The following CTDSPL2 variants were observed in gnomAD, a reference collection of about 807,000 sequenced individuals.
CTDSPL2 encodes the protein CTD small phosphatase-like protein 2.
In CTDSPL2, 5 loss-of-function variants were observed where a neutral mutation model predicts 60.0. That is an observed-to-expected ratio of 0.08 (90% CI 0.04 to 0.18). CTDSPL2 has a LOEUF of 0.18. Ranked by LOEUF, CTDSPL2 falls within the 10% of genes least tolerant of loss-of-function variation. CTDSPL2 has a pLI of 1.00. For missense variants in CTDSPL2, 370 were observed against 548.8 expected, an observed-to-expected ratio of 0.67 and a Z score of 3.26; for synonymous variants, 186 against 189.3, an observed-to-expected ratio of 0.98 and a Z score of 0.14.
At chr15:44,470,097 CAAAA>C (rs886463524) in intron 2 of CTDSPL2, among the ~76,000 whole-genome samples, 12 of 54,160 alleles carry the variant, frequency 2.2e-4, no homozygotes, top group African/African-American at 5.8e-4. Context: ...GACTCTGTCT[CAAAA>C]AAAAAAAAAA....
intron 1 of CTDSPL2, among the ~76,000 whole-genome samples, chr15:44,432,713 A>T: frequency 6.6e-6 from 1 of 151,914 alleles, no homozygotes; most frequent in East Asian, 1.9e-4. Context: ...TCTGCCTCCC[A>T]GATTCAAGTG....
chr15:44,491,279 A>G (rs539915931), intron 5 of CTDSPL2, among the ~76,000 whole-genome samples: 14 of 152,320 alleles, frequency 9.2e-5, no homozygotes, highest in East Asian at 1.9e-4. Flanking sequence ...AACAAAATAT[A>G]TGCTCATGTT....
intron 8 of CTDSPL2, among the ~76,000 whole-genome samples, chr15:44,502,896 A>G (rs965386071): frequency 6.6e-6 from 1 of 151,962 alleles, no homozygotes; most frequent in African/African-American, 2.4e-5. Flanking sequence ...AATGATACGT[A>G]CTCTTCTTTT....
chr15:44,447,396 T>G (rs1010233221), intron 1 of CTDSPL2, among the ~76,000 whole-genome samples: 9 of 152,210 alleles, frequency 5.9e-5, no homozygotes, highest in African/African-American at 2.2e-4. Flanking sequence ...CAAAAAAATT[T>G]GCATATTACA....
chr15:44,503,157 A>G (rs1405834037), intron 8 of CTDSPL2, among the ~76,000 whole-genome samples: 1 of 152,182 alleles, frequency 6.6e-6, no homozygotes, highest in Non-Finnish European at 1.5e-5. Flanking sequence ...ACGTGAGGAA[A>G]TGGCACTCAT....
chr15:44,519,320 C>G (rs2081715250), intron 11 of CTDSPL2, 25 bp downstream of exon 11: 1 of 1,532,598 alleles, frequency 6.5e-7, no homozygotes, highest in Non-Finnish European at 8.7e-7. Flanking sequence ...GATAAACAAA[C>G]TCAGATTGGA....
rs913416814 is a variant in CTDSPL2 at position 44,427,657 on chromosome 15, A to G, written c.-140A>G. The G allele has an allele frequency of 1.0e-5, 4 of 399,136 alleles. No individual in the cohort carries two copies. Among genetic ancestry groups the G allele is most frequent in the African/African-American group, 8.2e-5 (4 of 48,632 alleles). The allele number at this position is 399,136 out of a possible 1,614,324, so 24.7% of individuals were successfully genotyped here. On this transcript the variant is annotated 5_prime_UTR_variant, in exon 1 of 13. Coordinates refer to ENST00000260327, the MANE Select transcript of CTDSPL2 (RefSeq NM_016396.3). ...GCAGGTCGGTAGGCGGGAAATGGCG[A>G]CTGGCTGAAGGAGCTGGTTCTGTTG...
chr15:44,460,310 A>C (rs1360655813), intron 2 of CTDSPL2, among the ~76,000 whole-genome samples: 2 of 152,126 alleles, frequency 1.3e-5, no homozygotes, highest in South Asian at 4.1e-4. Context: ...GGTTTTCACT[A>C]TGTTGGCCTG....
chr15:44,464,166 C>G (rs1395571302), intron 2 of CTDSPL2, among the ~76,000 whole-genome samples: 1 of 152,146 alleles, frequency 6.6e-6, no homozygotes, highest in Admixed American at 6.5e-5. Flanking sequence ...TGTACCACTA[C>G]GCCCGCAACA....
intron 10 of CTDSPL2, 115 bp downstream of exon 10, chr15:44,514,959 T>C: frequency 1.6e-6 from 1 of 610,352 alleles, no homozygotes; most frequent in Non-Finnish European, 2.9e-6. Flanking sequence ...GAATGGTGAA[T>C]ATAAATGAAT....
At chr15:44,519,488 G>T in intron 11 of CTDSPL2, 193 bp downstream of exon 11, 1 of 431,294 alleles carries the variant, frequency 2.3e-6, no homozygotes, top group Non-Finnish European at 4.1e-6. Flanking sequence ...TAAATGACAT[G>T]CAGCATAAAT....
intron 1 of CTDSPL2, among the ~76,000 whole-genome samples, chr15:44,458,477 T>G (rs2080495180): frequency 6.6e-6 from 1 of 152,242 alleles, no homozygotes; most frequent in African/African-American, 2.4e-5. Flanking sequence ...TACACTTATA[T>G]GGTTGTTGAT....
At chr15:44,431,113 C>T (rs543081716) in intron 1 of CTDSPL2, among the ~76,000 whole-genome samples, 1 of 151,466 alleles carries the variant, frequency 6.6e-6, no homozygotes, top group Non-Finnish European at 1.5e-5. Context: ...TGAGCCACCG[C>T]ATCTGGCCCA....
At chr15:44,444,866 T>TTTTTTTTTC (rs1567062074) in intron 1 of CTDSPL2, among the ~76,000 whole-genome samples, 1 of 139,690 alleles carries the variant, frequency 7.2e-6, no homozygotes, top group East Asian at 2.1e-4. Context: ...TTTTTTTTTT[T>TTTTTTTTTC]AGACGGAGTC....
intron 2 of CTDSPL2, among the ~76,000 whole-genome samples, chr15:44,474,421 C>T (rs949708152): frequency 6.6e-6 from 1 of 151,862 alleles, no homozygotes; most frequent in Non-Finnish European, 1.5e-5. Context: ...ACCCAGGAGG[C>T]GGAGGTTGCA....
At chr15:44,460,481 A>G (rs551758130) in intron 2 of CTDSPL2, among the ~76,000 whole-genome samples, 6 of 152,158 alleles carry the variant, frequency 3.9e-5, no homozygotes, top group Non-Finnish European at 8.8e-5. Flanking sequence ...TTATGACTTT[A>G]CTATTTTTGT....
rs2081713592 is a variant in CTDSPL2, at chr15:44,519,190, T to C, written c.1134T>C (p.His378=). The C allele has an allele frequency of 1.3e-6, 2 of 1,518,992 alleles. No homozygotes were observed. The highest frequency in any genetic ancestry group is 1.4e-5 in the South Asian group (1 of 71,186). 94.1% of individuals were successfully genotyped at this position (1,518,992 alleles called of 1,614,324 possible). A position where few individuals can be genotyped will look rare whatever the true frequency, so the allele number is the denominator to read the frequency against. ...TTAGGCACCGGCTTTTCCGTGAACA[T>C]TGTGTTTGTGTACAAGGAAACTATA... ...QLVRHRLFRE[H]CVCVQGNYIK... Residue 378 remains histidine, a synonymous_variant, in exon 11 of 13, where the codon CAT becomes CAC. Coordinates refer to ENST00000260327, the MANE Select transcript of CTDSPL2 (RefSeq NM_016396.3).
intron 2 of CTDSPL2, among the ~76,000 whole-genome samples, chr15:44,473,422 A>G (rs922763513): frequency 6.6e-6 from 1 of 152,028 alleles, no homozygotes; most frequent in Non-Finnish European, 1.5e-5. Flanking sequence ...CAGCCTCCCT[A>G]GTAGCTGGGA....
At chr15:44,470,920 C>G (rs962655673) in intron 2 of CTDSPL2, among the ~76,000 whole-genome samples, 2 of 151,896 alleles carry the variant, frequency 1.3e-5, no homozygotes, top group Non-Finnish European at 2.9e-5. Context: ...CCTCCTATAT[C>G]CTATATTGAC....
Sources: gnomAD v4.1 joint callset for allele counts (sites outside exome capture counted in the v4.1 genomes callset) on GRCh38, gnomAD v4.1.1 for gene constraint, MANE v1.5 for transcripts, NCBI Gene and HGNC (gene_info 2026-07-23, HGNC 2026-07-21) for gene names.